CEP72: variants seen among roughly 807,000 people sequenced by gnomAD.
CEP72 encodes centrosomal protein 72.
CEP72 carries 78 observed loss-of-function variants against 65.7 expected under a neutral mutation model. The ratio of observed to expected loss-of-function variants is 1.19; its 90% CI spans 0.99 to 1.43. CEP72 has a LOEUF of 1.43. CEP72 is among the 40% of genes most tolerant of loss of function. CEP72 has a pLI of 0.00. For synonymous variants in CEP72, 358 were observed against 351.7 expected (o/e 1.02, Z -0.20); for missense variants, 914 against 832.9 (o/e 1.10, Z -1.20).
intron 9 of CEP72, 55 bp from the exon 10 acceptor site, chr5:644,244 T>A: frequency 6.3e-7 from 1 of 1,589,654 alleles, no homozygotes; most frequent in Non-Finnish European, 8.6e-7. Flanking sequence ...TTACTTTCTA[T>A]ACGCATTTTA....
chr5:665,651 C>T (rs976882233), intron 3 of CEP72, among the ~76,000 whole-genome samples: 3 of 135,240 alleles, frequency 2.2e-5, no homozygotes, highest in Admixed American at 2.2e-4. Context: ...TCCCCAGGAC[C>T]CCCCCAGGCC....
chr5:627,093 T>C (rs759776617), intron 4 of CEP72, among the ~76,000 whole-genome samples: 2 of 152,244 alleles, frequency 1.3e-5, no homozygotes, highest in Admixed American at 6.5e-5. Context: ...AGATTTGATA[T>C]ACTTTCTTCT....
In CEP72 at chr5:612,417, G is replaced by C; in HGVS notation, c.56G>C (p.Ser19Thr). 1 of 1,483,900 alleles carries C rather than the reference G, an allele frequency of 6.7e-7. No homozygotes were observed. The highest frequency in any genetic ancestry group is 8.9e-7 in the Non-Finnish European group (1 of 1,122,194). 91.9% of individuals were successfully genotyped at this position (1,483,900 alleles called of 1,614,324 possible). ...VLSEEAVRAK[S>T]GLGPHRDLAE... is the part of the protein sequence containing the mutation. ...AGCGAGGAGGCGGTTCGGGCGAAGA[G>C]CGGCTTAGGGCCTCACCGCGACCTG... The change falls in exon 1 of 12, where the codon AGC becomes ACC. Residue 19 changes from serine (S) to threonine (T), a missense_variant. Transcript: ENST00000264935.
intron 7 of CEP72, among the ~76,000 whole-genome samples, chr5:638,023 C>T (rs1010447535): frequency 5.9e-5 from 9 of 152,244 alleles, no homozygotes; most frequent in South Asian, 2.1e-4. Flanking sequence ...TTGGCGGTGC[C>T]GTGATTACGC....
chr5:654,413 G>C (rs1454268216), downstream of CEP72, among the ~76,000 whole-genome samples: 1 of 151,004 alleles, frequency 6.6e-6, no homozygotes, highest in Non-Finnish European at 1.5e-5. Context: ...GTGTGCTTGT[G>C]TGCTAGCTGT....
rs1346762031 is a variant in CEP72 at position 651,095 on chromosome 5, AGGCGTG to A, written c.1779-1891_1779-1886del. ...GTGTGACTGTGAGGCGTGGACTGTG[AGGCGTG>A]GACTGTGAGGTGTGACTGTGAGGCG... On this transcript the variant is annotated intron_variant, in intron 11 of 11. Coordinates refer to ENST00000264935, the MANE Select transcript of CEP72 (RefSeq NM_018140.4). 4.8e-4 allele frequency among the ~76,000 whole-genome samples: 29 copies of A among 60,636 alleles called. 5 individuals are homozygous for A. The highest frequency in any genetic ancestry group is 2.0e-3 in the East Asian group (3 of 1,494). The allele number at this position is 60,636 out of a possible 152,430, so 39.8% of individuals were successfully genotyped here.
intron 9 of CEP72, chr5:642,965 G>A (rs1464862057): frequency 1.0e-6 from 1 of 985,378 alleles, no homozygotes; most frequent in Non-Finnish European, 1.2e-6. Flanking sequence ...TCCAGCTGCT[G>A]TGCCTGGCAC....
intron 10 of CEP72, among the ~76,000 whole-genome samples, chr5:647,534 G>T (rs1483560740): frequency 6.6e-6 from 1 of 152,200 alleles, no homozygotes; most frequent in African/African-American, 2.4e-5. Context: ...GCCTCTCCCT[G>T]CCCTCACACA....
At chr5:658,209 G>T (rs567607868), downstream of CEP72, among the ~76,000 whole-genome samples, 8 of 152,368 alleles carry the variant, frequency 5.3e-5, no homozygotes, top group South Asian at 1.7e-3. Flanking sequence ...CTGTCAGGCT[G>T]TGCCTGGGCT....
chr5:642,358 T>C, intron 9 of CEP72: 1 of 985,258 alleles, frequency 1.0e-6, no homozygotes, highest in Non-Finnish European at 1.2e-6. Flanking sequence ...GCCCCTTCTC[T>C]GGAAGCCTCT....
At chr5:675,935 G>T in the CEP72 span, 7 of 152,174 alleles carry the variant, frequency 4.6e-5, no homozygotes, top group African/African-American at 1.7e-4. Flanking sequence ...GAGGAGGTTG[G>T]CGGGGCCACT....
intron 5 of CEP72, among the ~76,000 whole-genome samples, chr5:635,062 A>G (rs983597993): frequency 3.3e-5 from 5 of 151,894 alleles, no homozygotes; most frequent in African/African-American, 1.2e-4. Context: ...CACCCAGCTA[A>G]TTTTGTATTG....
intron 9 of CEP72, chr5:643,079 T>C: frequency 2.0e-6 from 2 of 981,886 alleles, no homozygotes; most frequent in Non-Finnish European, 2.4e-6. Context: ...TTAGGTGTGG[T>C]GGCACACTCC....
At chr5:661,300 C>G (rs1358623138), downstream of CEP72, 1 of 149,090 alleles carries the variant, frequency 6.7e-6, no homozygotes, top group East Asian at 2.0e-4. Context: ...CAGAACCTGT[C>G]CCTGTCTCCT....
chr5:617,820 G>A (rs1016726305), intron 1 of CEP72, among the ~76,000 whole-genome samples: 3 of 152,134 alleles, frequency 2.0e-5, no homozygotes, highest in Non-Finnish European at 2.9e-5. Context: ...AGCCGAGATC[G>A]CACCACGGTA....
At chr5:634,480 T>G (rs747009405) in intron 5 of CEP72, among the ~76,000 whole-genome samples, 4 of 152,222 alleles carry the variant, frequency 2.6e-5, no homozygotes, top group Non-Finnish European at 4.4e-5. Flanking sequence ...GGTGGAGACC[T>G]GAGTTTGGGC....
intron 11 of CEP72, among the ~76,000 whole-genome samples, chr5:648,371 A>G (rs368333997): frequency 0.021 from 2,562 of 121,840 alleles, 45 homozygotes; most frequent in African/African-American, 0.03. Context: ...GTGAGGTGTG[A>G]CCACGAGGCA....
downstream of CEP72, among the ~76,000 whole-genome samples, chr5:659,023 G>A (rs1739475728): frequency 6.6e-6 from 1 of 152,206 alleles, no homozygotes; most frequent in South Asian, 2.1e-4. Context: ...ATCTCATTTT[G>A]TGCTGTTTGT....
chr5:668,760 C>T (rs1351873960), downstream of CEP72, among the ~76,000 whole-genome samples: 1 of 152,238 alleles, frequency 6.6e-6, no homozygotes, highest in Non-Finnish European at 1.5e-5. Context: ...CTCGTAGTCA[C>T]CAAACCCCAA....
Sources: allele counts gnomAD v4.1 joint callset (sites outside exome capture counted in the v4.1 genomes callset), GRCh38; gene constraint gnomAD v4.1.1; transcripts MANE v1.5; gene names NCBI Gene and HGNC (gene_info 2026-07-23, HGNC 2026-07-21).